The following CDH1 variants were observed in gnomAD, a reference collection of about 807,000 sequenced individuals.
The protein encoded by CDH1 is cadherin-1.
A neutral mutation model predicts 84.5 loss-of-function variants in CDH1; 35 were observed. The ratio of observed to expected loss-of-function variants is 0.41; its 90% CI spans 0.32 to 0.55. The LOEUF (loss-of-function observed/expected upper bound fraction) is 0.55. CDH1 is among the 20% of genes least tolerant of loss of function. The pLI is 0.19. For synonymous variants in CDH1, 417 were observed against 439.0 expected, an observed-to-expected ratio of 0.95 and a Z score of 0.63; for missense variants, 994 against 1,126.6, an observed-to-expected ratio of 0.88 and a Z score of 1.68.
chr16:68,773,516 C>G (rs1959642940), intron 2 of CDH1, among the ~76,000 whole-genome samples: 1 of 152,186 alleles, frequency 6.6e-6, no homozygotes, highest in Non-Finnish European at 1.5e-5. Context: ...CCAGGCTGGT[C>G]TCGAACTCCT....
intron 3 of CDH1, among the ~76,000 whole-genome samples, chr16:68,803,773 G>A (rs1338269810): frequency 1.3e-5 from 2 of 152,124 alleles, no homozygotes; most frequent in African/African-American, 2.4e-5. Flanking sequence ...CATGTCTGCT[G>A]TATCATGATT....
At chr16:68,751,226 T>C (rs1455902475) in intron 2 of CDH1, among the ~76,000 whole-genome samples, 1 of 152,216 alleles carries the variant, frequency 6.6e-6, no homozygotes, top group Non-Finnish European at 1.5e-5. Flanking sequence ...GTCCTTTCTA[T>C]GACTTCTGAG....
chr16:68,766,113 G>A (rs1170087147), intron 2 of CDH1, among the ~76,000 whole-genome samples: 1 of 152,060 alleles, frequency 6.6e-6, no homozygotes, highest in Non-Finnish European at 1.5e-5. Flanking sequence ...CAGAAAATTA[G>A]CCGGGTGTGG....
Position 68,834,052 on chromosome 16 carries a change from G to A in CDH1, c.*553G>A. The A allele has an allele frequency of 2.7e-6, 1 of 374,602 alleles. No individual in the cohort carries two copies. The highest frequency in any genetic ancestry group is 5.1e-6 in the Non-Finnish European group (1 of 194,532). 23.2% of individuals were successfully genotyped at this position (374,602 alleles called of 1,614,324 possible). A position where few individuals can be genotyped will look rare whatever the true frequency, so the allele number is the denominator to read the frequency against. ...GCTCACTGCAGCCTTGTCCTCCCAG[G>A]CTCAAGCTATCCTTGCACCTCAGCC... On this transcript the variant is annotated 3_prime_UTR_variant, in exon 16 of 16. Coordinates refer to ENST00000261769, the MANE Select transcript of CDH1 (RefSeq NM_004360.5).
intron 8 of CDH1, 130 bp downstream of exon 8, chr16:68,812,393 TA>T (rs1960864689): frequency 8.5e-6 from 9 of 1,061,266 alleles, no homozygotes; most frequent in Non-Finnish European, 1.3e-5. Flanking sequence ...ACTTTAAACT[TA>T]AAAGCAAGCA....
At chr16:68,781,259 G>A (rs927547954) in intron 2 of CDH1, among the ~76,000 whole-genome samples, 4 of 152,122 alleles carry the variant, frequency 2.6e-5, no homozygotes, top group African/African-American at 9.7e-5. Flanking sequence ...TAGGCATTGT[G>A]GCCTCAGTTG....
intron 11 of CDH1, among the ~76,000 whole-genome samples, chr16:68,819,834 G>A (rs192999493): frequency 6.6e-6 from 1 of 152,048 alleles, no homozygotes; most frequent in African/African-American, 2.4e-5. Flanking sequence ...TGAGACAATG[G>A]CCTCCAGTTT....
intron 2 of CDH1, among the ~76,000 whole-genome samples, chr16:68,796,589 G>A (rs1304453696): frequency 1.3e-5 from 2 of 152,170 alleles, no homozygotes; most frequent in African/African-American, 4.8e-5. Context: ...AGCTTTTCAT[G>A]AACTTGGGTT....
chr16:68,745,596 T>A (rs1430702424), intron 2 of CDH1, among the ~76,000 whole-genome samples: 33 of 136,052 alleles, frequency 2.4e-4, no homozygotes, highest in African/African-American at 1.0e-3. Flanking sequence ...TATATGTGTA[T>A]ATATATGTAT....
In CDH1 at chr16:68,813,399, G is replaced by A. The variant is rs200161607; in HGVS notation, c.1224G>A (p.Ala408=). The A allele has an allele frequency of 6.9e-5, 112 of 1,614,156 alleles. No homozygotes were observed. The highest frequency in any genetic ancestry group is 4.9e-4 in the Middle Eastern group (3 of 6,062). The change falls in exon 9 of 16, where the codon GCG becomes GCA. Residue 408 remains alanine (A), a synonymous_variant. Coordinates refer to ENST00000261769, the MANE Select transcript of CDH1 (RefSeq NM_004360.5). ...VTDADAPNTP[A]WEAVYTILND... is the part of the protein sequence containing the mutation. ...ATGCTGATGCCCCCAATACCCCAGC[G>A]TGGGAGGCTGTATACACCATATTGA...
chr16:68,799,237 C>A (rs1484242973), intron 2 of CDH1, among the ~76,000 whole-genome samples: 1 of 152,226 alleles, frequency 6.6e-6, no homozygotes, highest in East Asian at 1.9e-4. Flanking sequence ...ACGGCTCCCC[C>A]TGCTCACCCC....
chr16:68,822,823 G>A (rs78279288), intron 12 of CDH1: 3,037 of 240,982 alleles, frequency 0.013, 61 homozygotes, highest in African/African-American at 0.047. Flanking sequence ...CTGTCTTCCC[G>A]GACATCCAGA....
intron 14 of CDH1, among the ~76,000 whole-genome samples, chr16:68,829,348 G>A (rs997668634): frequency 1.3e-5 from 2 of 152,148 alleles, no homozygotes; most frequent in African/African-American, 4.8e-5. Flanking sequence ...TCACAAGCTG[G>A]GGTTGGGAGG....
chr16:68,804,385 T>C (rs1960596144), intron 3 of CDH1, among the ~76,000 whole-genome samples: 1 of 152,036 alleles, frequency 6.6e-6, no homozygotes, highest in South Asian at 2.1e-4. Flanking sequence ...AGTGCTGGGA[T>C]TACAGGTGTG....
intron 3 of CDH1, among the ~76,000 whole-genome samples, chr16:68,806,988 T>C (rs989980819): frequency 6.6e-6 from 1 of 152,160 alleles, no homozygotes; most frequent in African/African-American, 2.4e-5. Context: ...GAACTCAAAC[T>C]TGGCAAGCAG....
intron 2 of CDH1, among the ~76,000 whole-genome samples, chr16:68,789,911 C>T (rs997659221): frequency 6.6e-6 from 1 of 152,132 alleles, no homozygotes; most frequent in Admixed American, 6.6e-5. Flanking sequence ...ACAAAATTAA[C>T]CGGGCATGGT....
At chr16:68,761,493 C>T (rs539029368) in intron 2 of CDH1, among the ~76,000 whole-genome samples, 6 of 152,280 alleles carry the variant, frequency 3.9e-5, no homozygotes, top group Admixed American at 6.5e-5. Context: ...TTGTGAATGG[C>T]GGACACAGAG....
intron 14 of CDH1, 21 bp from the exon 15 acceptor site, chr16:68,829,633 T>C (rs1961422376): frequency 5.0e-6 from 8 of 1,613,558 alleles, no homozygotes; most frequent in South Asian, 1.1e-5. Flanking sequence ...TTCATTGTAC[T>C]TCAACCTTTT....
chr16:68,749,170 G>C (rs1316025319), intron 2 of CDH1, among the ~76,000 whole-genome samples: 1 of 152,228 alleles, frequency 6.6e-6, no homozygotes, highest in African/African-American at 2.4e-5. Flanking sequence ...AAGGTTTCCA[G>C]CAACTAAGTG....
Sources: allele counts gnomAD v4.1 joint callset (sites outside exome capture counted in the v4.1 genomes callset), GRCh38; gene constraint gnomAD v4.1.1; transcripts MANE v1.5; gene names NCBI Gene and HGNC (gene_info 2026-07-23, HGNC 2026-07-21).